Variants in EPHA6 observed in about 807,000 individuals in gnomAD.
The protein encoded by EPHA6 is ephrin type-A receptor 6.
In EPHA6, 50 loss-of-function variants were observed where a neutral mutation model predicts 112.0. The ratio of observed to expected loss-of-function variants is 0.45; its 90% CI spans 0.36 to 0.56. The LOEUF is 0.56. Ranked by LOEUF, EPHA6 falls within the 20% of genes least tolerant of loss-of-function variation. The pLI is 0.00. For missense variants in EPHA6, 1,280 were observed against 1,417.4 expected, an observed-to-expected ratio of 0.90 and a Z score of 1.56; for synonymous variants, 529 against 490.7, an observed-to-expected ratio of 1.08 and a Z score of -1.03.
At chr3:96,849,510 G>GAATC (rs757745123) in intron 1 of EPHA6, among the ~76,000 whole-genome samples, 1 of 152,082 alleles carries the variant, frequency 6.6e-6, no homozygotes, top group Admixed American at 6.6e-5. Context: ...TTGCTTGGTA[G>GAATC]AATCCTTCAG....
chr3:97,451,994 TC>T (rs1422234678), intron 7 of EPHA6, among the ~76,000 whole-genome samples: 1 of 151,954 alleles, frequency 6.6e-6, no homozygotes, highest in African/African-American at 2.4e-5. Context: ...ATAATTCAGT[TC>T]TTTTTAGCCA....
At chr3:96,829,948 C>T (rs1233670224) in intron 1 of EPHA6, among the ~76,000 whole-genome samples, 1 of 108,406 alleles carries the variant, frequency 9.2e-6, no homozygotes, top group African/African-American at 3.5e-5. Context: ...TGCGCGCGCG[C>T]GCACACACAC....
intron 14 of EPHA6, among the ~76,000 whole-genome samples, chr3:97,679,702 A>G (rs1385378252): frequency 6.6e-6 from 1 of 152,190 alleles, no homozygotes; most frequent in East Asian, 1.9e-4. Flanking sequence ...TGTGGCATGT[A>G]CATAGCAGGA....
intron 6 of EPHA6, among the ~76,000 whole-genome samples, chr3:97,434,089 A>AATATATTAC (rs1305519201): frequency 6.6e-6 from 1 of 152,166 alleles, no homozygotes; most frequent in African/African-American, 2.4e-5. Flanking sequence ...TGTGCTTCTC[A>AATATATTAC]ATATATTACT....
chr3:97,416,820 C>T (rs888979757), intron 6 of EPHA6, among the ~76,000 whole-genome samples: 2 of 151,910 alleles, frequency 1.3e-5, no homozygotes, highest in Non-Finnish European at 2.9e-5. Context: ...ATCTTTATAT[C>T]TTTCATCAAT....
chr3:97,282,651 T>C (rs886573137), intron 5 of EPHA6, among the ~76,000 whole-genome samples: 2 of 152,140 alleles, frequency 1.3e-5, no homozygotes, highest in Admixed American at 1.3e-4. Flanking sequence ...GAATACTGTG[T>C]AGCCATAAAA....
chr3:97,225,587 A>G (rs544758435), intron 3 of EPHA6, among the ~76,000 whole-genome samples: 9 of 152,274 alleles, frequency 5.9e-5, no homozygotes, highest in Admixed American at 6.5e-5. Context: ...AGACTATTGT[A>G]TATTTGTGTA....
chr3:97,004,479 A>T (rs545435187), intron 3 of EPHA6, among the ~76,000 whole-genome samples: 4 of 151,830 alleles, frequency 2.6e-5, no homozygotes, highest in African/African-American at 9.7e-5. Context: ...CCACTTTTTG[A>T]TGGGGTTGTT....
intron 3 of EPHA6, among the ~76,000 whole-genome samples, chr3:97,042,824 T>C (rs893062364): frequency 6.6e-6 from 1 of 152,082 alleles, no homozygotes; most frequent in African/African-American, 2.4e-5. Context: ...GTATAAACAG[T>C]TCAAAATAAA....
At chr3:97,273,053 T>C (rs1487473787) in intron 5 of EPHA6, among the ~76,000 whole-genome samples, 5 of 151,596 alleles carry the variant, frequency 3.3e-5, no homozygotes, top group African/African-American at 1.2e-4. Context: ...TGGTAAGGGG[T>C]GATATTGTGG....
intron 7 of EPHA6, among the ~76,000 whole-genome samples, chr3:97,460,408 G>A (rs1306826099): frequency 6.6e-6 from 1 of 152,124 alleles, no homozygotes; most frequent in Admixed American, 6.5e-5. Flanking sequence ...AAATATTCTT[G>A]AGATCCCATT....
chr3:97,226,557 G>C (rs1407248184), intron 4 of EPHA6, 138 bp downstream of exon 4: 8 of 788,214 alleles, frequency 1.0e-5, no homozygotes, highest in Non-Finnish European at 9.9e-6. Context: ...CAAGGAAAAA[G>C]CTTCTCTCTC....
intron 3 of EPHA6, among the ~76,000 whole-genome samples, chr3:96,991,711 G>GA (rs2043223824): frequency 6.6e-6 from 1 of 152,124 alleles, no homozygotes; most frequent in African/African-American, 2.4e-5. Flanking sequence ...ACATCATGTT[G>GA]AAGTCCAATA....
At chr3:97,646,406 G>T (rs71311330) in intron 14 of EPHA6, 41,021 of 874,200 alleles carry the variant, frequency 0.047, 1,081 homozygotes, top group Non-Finnish European at 0.057. Context: ...AATGAAGAAT[G>T]AGATTTACAC....
chr3:97,326,750 T>C (rs2082446082), intron 5 of EPHA6, among the ~76,000 whole-genome samples: 1 of 152,044 alleles, frequency 6.6e-6, no homozygotes, highest in African/African-American at 2.4e-5. Flanking sequence ...AAAATGATTC[T>C]AAACAAAATA....
intron 13 of EPHA6, among the ~76,000 whole-genome samples, chr3:97,618,518 G>A (rs1453093302): frequency 6.6e-6 from 1 of 151,922 alleles, no homozygotes; most frequent in African/African-American, 2.4e-5. Flanking sequence ...TATCTAGACT[G>A]CTAGCTAGAC....
At chr3:96,827,860 A>G (rs1189065211) in intron 1 of EPHA6, among the ~76,000 whole-genome samples, 2 of 152,162 alleles carry the variant, frequency 1.3e-5, no homozygotes, top group Non-Finnish European at 1.5e-5. Flanking sequence ...TTTGGCTGCT[A>G]AGAGAGAATA....
chr3:97,163,060 A>T (rs987397400), intron 3 of EPHA6, among the ~76,000 whole-genome samples: 1 of 151,950 alleles, frequency 6.6e-6, no homozygotes, highest in Non-Finnish European at 1.5e-5. Context: ...CACAGTTTCC[A>T]CTGTAAGGTC....
chr3:97,226,576 A>G (rs985406543), intron 4 of EPHA6, among the ~76,000 whole-genome samples, 157 bp downstream of exon 4: 3 of 152,226 alleles, frequency 2.0e-5, no homozygotes, highest in Admixed American at 1.3e-4. Flanking sequence ...TCTTCTCAGC[A>G]TAGTTGCTTT....
Sources: gnomAD v4.1 joint callset for allele counts (sites outside exome capture counted in the v4.1 genomes callset) on GRCh38, gnomAD v4.1.1 for gene constraint, MANE v1.5 for transcripts, NCBI Gene and HGNC (gene_info 2026-07-23, HGNC 2026-07-21) for gene names.